The following PXDC1 variants were observed in gnomAD, a reference collection of about 807,000 sequenced individuals.
PXDC1 encodes the protein PX domain containing 1.
PXDC1 carries 13 observed loss-of-function variants against 24.4 expected under a neutral mutation model. The observed-to-expected ratio is 0.53, with a 90% CI of 0.35 to 0.85. PXDC1 has a LOEUF of 0.85. PXDC1 is among the 40% of genes least tolerant of loss of function. The pLI, the probability that PXDC1 is intolerant of heterozygous loss-of-function variation, is 0.01. For synonymous variants in PXDC1, 162 were observed against 124.9 expected (o/e 1.30, Z -1.98); for missense variants, 344 against 309.3 (o/e 1.11, Z -0.84).
At chr6:3,749,215 G>A (rs1303393908) in intron 1 of PXDC1, among the ~76,000 whole-genome samples, 1 of 149,548 alleles carries the variant, frequency 6.7e-6, no homozygotes, top group East Asian at 2.0e-4. Context: ...GGGTGTGCCA[G>A]ACTGTCCCCA....
At chr6:3,739,116 G>A (rs1001239688) in intron 1 of PXDC1, 177 of 1,174,774 alleles carry the variant, frequency 1.5e-4, no homozygotes, top group Admixed American at 5.8e-4. Flanking sequence ...ATTTTGTTTT[G>A]CAGGGGAAAA....
At chr6:3,739,780 C>A (rs1760413928) in intron 1 of PXDC1, among the ~76,000 whole-genome samples, 2 of 152,306 alleles carry the variant, frequency 1.3e-5, no homozygotes, top group Admixed American at 1.3e-4. Flanking sequence ...CATAGAATTT[C>A]AAATATTTAT....
chr6:3,723,227 T>G lies in PXDC1; in HGVS notation c.*392A>C, dbSNP rs1759979144. 1.0e-5 allele frequency: 2 copies of G among 191,404 alleles called. No homozygotes were observed. The highest frequency in any genetic ancestry group is 3.8e-4 in the South Asian group (2 of 5,330). 11.9% of individuals were successfully genotyped at this position (191,404 alleles called of 1,614,324 possible). A position where few individuals can be genotyped will look rare whatever the true frequency, so the allele number is the denominator to read the frequency against. On this transcript the variant is annotated 3_prime_UTR_variant, in exon 5 of 5. Coordinates refer to ENST00000380283, the MANE Select transcript of PXDC1 (RefSeq NM_183373.4). ...TGCCGTGGGAGGGAATGGTGGGGAG[T>G]CAGGGTGGCTGGGGGGCACTAGGCC...
chr6:3,738,176 T>G, intron 1 of PXDC1, 28 bp from the exon 2 acceptor site: 1 of 1,567,286 alleles, frequency 6.4e-7, no homozygotes, highest in Non-Finnish European at 8.8e-7. Flanking sequence ...ATGCTCAAAG[T>G]CAGAATAGCA....
chr6:3,747,130 C>T (rs912396865), intron 1 of PXDC1, among the ~76,000 whole-genome samples: 1 of 151,956 alleles, frequency 6.6e-6, no homozygotes, highest in Non-Finnish European at 1.5e-5. Context: ...TCCTGAGCCA[C>T]CCCCTCCCCC....
At chr6:3,739,403 G>T (rs1202776302) in intron 1 of PXDC1, among the ~76,000 whole-genome samples, 1 of 152,226 alleles carries the variant, frequency 6.6e-6, no homozygotes, top group Non-Finnish European at 1.5e-5. Flanking sequence ...GGCTCACCTG[G>T]TATCCCAGCA....
intron 1 of PXDC1, among the ~76,000 whole-genome samples, chr6:3,749,256 T>A (rs1196730262): frequency 6.6e-6 from 1 of 150,718 alleles, no homozygotes; most frequent in African/African-American, 2.4e-5. Context: ...AGTTCCACGG[T>A]GTGCTGTGAG....
intron 1 of PXDC1, among the ~76,000 whole-genome samples, chr6:3,747,887 G>A (rs1177193611): frequency 6.6e-6 from 1 of 152,196 alleles, no homozygotes; most frequent in African/African-American, 2.4e-5. Flanking sequence ...TAGGCACTAT[G>A]CAGATATTTG....
intron 1 of PXDC1, among the ~76,000 whole-genome samples, chr6:3,750,388 G>A (rs1332884101): frequency 1.3e-5 from 2 of 152,122 alleles, no homozygotes; most frequent in African/African-American, 4.8e-5. Flanking sequence ...GGACCTGCTC[G>A]GAAGTCCTCC....
chr6:3,744,231 G>A (rs1303423288), intron 1 of PXDC1, among the ~76,000 whole-genome samples: 1 of 152,128 alleles, frequency 6.6e-6, no homozygotes, highest in African/African-American at 2.4e-5. Flanking sequence ...GTTCCCAGGG[G>A]GAGCAGCCCA....
Position 3,737,069 on chromosome 6 carries a change from T to C in PXDC1, c.466+10A>G. The C allele has an allele frequency of 6.5e-7, 1 of 1,545,066 alleles. No individual in the cohort carries two copies. Among genetic ancestry groups the C allele is most frequent in the Non-Finnish European group, 9.0e-7 (1 of 1,116,944 alleles). ...GTCCCTCCCACCAACGCCTCCTTTG[T>C]GGCTCTTACCTGATATTTTGACTGG... On this transcript the variant is annotated intron_variant, in intron 3 of 4. Transcript: ENST00000380283. The surrounding 1 kb of genome is among the most constrained non-coding windows in gnomAD (Gnocchi z 5.5).
In PXDC1 at chr6:3,751,409, G is replaced by A; in HGVS notation, c.123C>T (p.Ile41=). The change falls in exon 1 of 5, where the codon ATC becomes ATT. Residue 41 remains isoleucine (I), a synonymous_variant. Transcript: ENST00000380283. The stretch of plus-strand genomic sequence containing the variant: ...CGCTGCGGTCCGACCACTCCGTGCG[G>A]ATCTCGAAGAACTCCTCTTCGTCGC... ...RRGDEEEFFE[I]RTEWSDRSVL... 2 of 1,579,372 alleles carry A rather than the reference G, an allele frequency of 1.3e-6. No homozygotes were observed. The highest frequency in any genetic ancestry group is 1.7e-6 in the Non-Finnish European group (2 of 1,163,716).
Position 3,728,155 on chromosome 6 carries a change from A to G in PXDC1, c.467-493T>C, listed in dbSNP as rs1257243774. ...CAGTGTGCATTTTATTCTTATTTCA[A>G]TAGTTTTGGGGTTACAGGTGGGTCT... On this transcript the variant is annotated intron_variant, in intron 3 of 4. Transcript: ENST00000380283. This position sits in a 1 kb window ranked among gnomAD's most constrained non-coding sequence, Gnocchi z 4.0. Among the ~76,000 whole-genome samples the G allele has an allele frequency of 6.6e-6, 1 of 152,110 alleles. No homozygotes were observed. The highest frequency in any genetic ancestry group is 1.5e-5 in the Non-Finnish European group (1 of 68,008).
chr6:3,727,574 C>T lies in PXDC1; in HGVS notation c.555G>A (p.Leu185=), dbSNP rs140929095. The T allele has an allele frequency of 3.7e-6, 6 of 1,611,666 alleles. No homozygotes were observed. In the African/African-American group the frequency reaches 4.0e-5, roughly 11 times the overall value. The change falls in exon 4 of 5, where the codon CTG becomes CTA. Residue 185 remains leucine, a synonymous_variant. Coordinates refer to ENST00000380283, the MANE Select transcript of PXDC1 (RefSeq NM_183373.4). ...ACAAATGCTCTGTTGGGTCCACGCC[C>T]AGCTGCTGGTCTCTTCCATTTGGTA... ...HSIPNGRDQQ[L]GVDPTEHLFE...
rs945240403 is a variant in PXDC1 at position 3,723,508 on chromosome 6, G to A, written c.*111C>T. ...TCCTGGCGTCAGTGGGGCCTGGGAC[G>A]TCTGGGAGTTCCAGAGCTGGGGCAG... On this transcript the variant is annotated 3_prime_UTR_variant, in exon 5 of 5. Transcript: ENST00000380283. 3.4e-5 allele frequency: 29 copies of A among 841,244 alleles called. No individual in the cohort carries two copies. Among genetic ancestry groups the A allele is most frequent in the African/African-American group, 1.0e-4 (6 of 59,800 alleles). 52.1% of individuals were successfully genotyped at this position (841,244 alleles called of 1,614,324 possible). A position where few individuals can be genotyped will look rare whatever the true frequency, so the allele number is the denominator to read the frequency against.
intron 1 of PXDC1, among the ~76,000 whole-genome samples, chr6:3,742,765 G>T (rs975596589): frequency 6.6e-6 from 1 of 152,156 alleles, no homozygotes; most frequent in Non-Finnish European, 1.5e-5. Flanking sequence ...AAACAATTAA[G>T]AATTTGAAAC....
At position 3,723,507 on chromosome 6, in the gene PXDC1, C is replaced by A; in HGVS notation, c.*112G>T. 2.4e-6 allele frequency: 2 copies of A among 830,820 alleles called. No individual in the cohort carries two copies. Among genetic ancestry groups the A allele is most frequent in the East Asian group, 4.9e-5 (2 of 40,960 alleles). 51.5% of individuals were successfully genotyped at this position (830,820 alleles called of 1,614,324 possible). On this transcript the variant is annotated 3_prime_UTR_variant, in exon 5 of 5. Transcript: ENST00000380283. ...CTCCTGGCGTCAGTGGGGCCTGGGA[C>A]GTCTGGGAGTTCCAGAGCTGGGGCA...
At chr6:3,736,634 G>T (rs865839044) in intron 3 of PXDC1, among the ~76,000 whole-genome samples, 1 of 152,166 alleles carries the variant, frequency 6.6e-6, no homozygotes, top group Non-Finnish European at 1.5e-5. Flanking sequence ...CTTCCTTCCT[G>T]TGCCAGGAGC....
At position 3,727,719 on chromosome 6, in the gene PXDC1, G is replaced by C. The variant is rs2127597961; in HGVS notation, c.467-57C>G. The stretch of plus-strand genomic sequence containing the variant: ...GGAGGGGTCGGAGCTTGAGGTTTTG[G>C]AGTTTGGAACTTACTCCCATCTCCC... On this transcript the variant is annotated intron_variant, in intron 3 of 4. Transcript: ENST00000380283. 5 of 1,206,948 alleles carry C rather than the reference G, an allele frequency of 4.1e-6. No individual in the cohort carries two copies. In the Middle Eastern group the frequency reaches 7.6e-4, roughly 184 times the overall value. 74.8% of individuals were successfully genotyped at this position (1,206,948 alleles called of 1,614,324 possible). A position where few individuals can be genotyped will look rare whatever the true frequency, so the allele number is the denominator to read the frequency against.
Sources: allele counts gnomAD v4.1 joint callset (sites outside exome capture counted in the v4.1 genomes callset), GRCh38; gene constraint gnomAD v4.1.1; non-coding constraint Gnocchi (gnomAD v3.1); transcripts MANE v1.5; gene names NCBI Gene and HGNC (gene_info 2026-07-23, HGNC 2026-07-21).